The following SETBP1 variants were observed in gnomAD, a reference collection of about 807,000 sequenced individuals.
SETBP1 encodes SET binding protein 1, also known as SET-binding protein.
SETBP1 carries 9 observed loss-of-function variants against 101.0 expected under a neutral mutation model. The observed-to-expected ratio is 0.09, with a 90% CI of 0.05 to 0.16. SETBP1 has a LOEUF of 0.16. SETBP1 is among the 10% of genes least tolerant of loss of function. The pLI is 1.00. For synonymous variants in SETBP1, 818 were observed against 788.5 expected (o/e 1.04, Z -0.63); for missense variants, 1,858 against 2,033.8 (o/e 0.91, Z 1.66).
chr18:45,002,454 C>T (rs970336904), intron 4 of SETBP1, among the ~76,000 whole-genome samples: 4 of 152,098 alleles, frequency 2.6e-5, no homozygotes, highest in South Asian at 4.1e-4. Flanking sequence ...CAATACTGTT[C>T]GTCCTATTCA....
intron 1 of SETBP1, among the ~76,000 whole-genome samples, chr18:44,681,402 CG>C (rs2144074852): frequency 6.6e-6 from 1 of 152,228 alleles, no homozygotes; most frequent in East Asian, 1.9e-4. Flanking sequence ...ATGGTGATAA[CG>C]GGGATGCTGT....
At chr18:45,003,615 C>T (rs1426848804) in intron 4 of SETBP1, among the ~76,000 whole-genome samples, 1 of 151,756 alleles carries the variant, frequency 6.6e-6, no homozygotes, top group Admixed American at 6.6e-5. Flanking sequence ...GCCAAACCAT[C>T]CTCATATGAG....
At chr18:44,758,776 T>C (rs1384299651) in intron 2 of SETBP1, among the ~76,000 whole-genome samples, 1 of 152,242 alleles carries the variant, frequency 6.6e-6, no homozygotes, top group Non-Finnish European at 1.5e-5. Flanking sequence ...TGACTGCCTC[T>C]TTTTCTTTCC....
At chr18:44,917,794 G>A (rs531692112) in intron 3 of SETBP1, among the ~76,000 whole-genome samples, 16 of 152,256 alleles carry the variant, frequency 1.1e-4, no homozygotes, top group African/African-American at 2.9e-4. Flanking sequence ...CTCAAAGCCC[G>A]TGCATGGCAG....
chr18:44,862,866 G>A (rs917612397), intron 2 of SETBP1, among the ~76,000 whole-genome samples: 2 of 152,168 alleles, frequency 1.3e-5, no homozygotes, highest in Non-Finnish European at 2.9e-5. Flanking sequence ...TGCTGGCAGG[G>A]TAGGGCCAAA....
chr18:44,873,408 G>C (rs183843425), intron 3 of SETBP1, among the ~76,000 whole-genome samples: 1 of 152,314 alleles, frequency 6.6e-6, no homozygotes, highest in East Asian at 1.9e-4. Context: ...TGCCTGAAAT[G>C]CACAGTGAGG....
intron 3 of SETBP1, among the ~76,000 whole-genome samples, chr18:44,904,574 A>C (rs929817787): frequency 1.3e-5 from 2 of 152,198 alleles, no homozygotes; most frequent in Non-Finnish European, 2.9e-5. Context: ...GATTGTATTG[A>C]AACTAGCTAA....
intron 2 of SETBP1, among the ~76,000 whole-genome samples, chr18:44,840,725 G>T (rs2072598525): frequency 6.6e-6 from 1 of 152,194 alleles, no homozygotes; most frequent in Admixed American, 6.5e-5. Flanking sequence ...TTGTAAAATT[G>T]TAAGAAGTAT....
intron 4 of SETBP1, among the ~76,000 whole-genome samples, chr18:44,974,856 G>A (rs1436045277): frequency 2.0e-5 from 3 of 152,062 alleles, no homozygotes; most frequent in Non-Finnish European, 4.4e-5. Flanking sequence ...TGAGAAAAGG[G>A]AAAGCAACAA....
At position 45,042,068 on chromosome 18, in the gene SETBP1, G is replaced by A. The variant is rs138392904; in HGVS notation, c.4171+3413G>A. On this transcript the variant is annotated intron_variant, in intron 5 of 5. Coordinates refer to ENST00000649279, the MANE Select transcript of SETBP1 (RefSeq NM_015559.3). ...ATCACTGAGTGAAACAAATGTTTGA[G>A]AGGCAGTAGCTGTATGCTTTTACAG... Among the ~76,000 whole-genome samples the A allele has an allele frequency of 5.6e-3, 847 of 151,800 alleles. 4 individuals are homozygous for A. The highest frequency in any genetic ancestry group is 0.01 in the Middle Eastern group (3 of 288).
At chr18:44,864,013 C>T (rs1020615206) in intron 2 of SETBP1, among the ~76,000 whole-genome samples, 3 of 151,974 alleles carry the variant, frequency 2.0e-5, no homozygotes, top group Non-Finnish European at 4.4e-5. Flanking sequence ...GCAATTGGTG[C>T]GGGTATGTGA....
intron 3 of SETBP1, among the ~76,000 whole-genome samples, chr18:44,886,381 G>T (rs1209773504): frequency 6.6e-6 from 1 of 152,114 alleles, no homozygotes; most frequent in Admixed American, 6.6e-5. Flanking sequence ...TACTACTTGG[G>T]ACAGTGAGCC....
intron 3 of SETBP1, among the ~76,000 whole-genome samples, chr18:44,938,133 C>G (rs2071004872): frequency 1.3e-5 from 2 of 152,118 alleles, no homozygotes; most frequent in Non-Finnish European, 2.9e-5. Flanking sequence ...CTGGAGCAAG[C>G]CACGTCCTGG....
intron 4 of SETBP1, among the ~76,000 whole-genome samples, chr18:44,993,837 A>G (rs889490251): frequency 8.5e-5 from 13 of 152,070 alleles, no homozygotes; most frequent in Admixed American, 3.3e-4. Flanking sequence ...AAGGCGGAGG[A>G]CTTACCCTAC....
chr18:44,997,637 G>T (rs2072527055), intron 4 of SETBP1, among the ~76,000 whole-genome samples: 1 of 152,064 alleles, frequency 6.6e-6, no homozygotes, highest in African/African-American at 2.4e-5. Context: ...TGCTAATTAG[G>T]CATTGCATTA....
chr18:44,970,283 A>G (rs2071813852), intron 4 of SETBP1: 1 of 154,502 alleles, frequency 6.5e-6, no homozygotes, highest in East Asian at 1.9e-4. Flanking sequence ...GATTTAAACA[A>G]CCTCTGCCTG....
rs184682338 is a variant in SETBP1 at position 44,944,914 on chromosome 18, A to G, written c.541-4967A>G. Among the ~76,000 whole-genome samples the G allele has an allele frequency of 1.1e-4, 17 of 152,252 alleles. No individual in the cohort carries two copies. The East Asian group carries it at 3.3e-3, about 29-fold the overall frequency. ...GCTTCCCATTTTTTGGACTTTTAAG[A>G]TTTTACTCAGTGATCTAATTTTGTT... On this transcript the variant is annotated intron_variant, in intron 3 of 5. Transcript: ENST00000649279.
intron 3 of SETBP1, among the ~76,000 whole-genome samples, chr18:44,885,470 G>T (rs1015275638): frequency 2.0e-5 from 3 of 151,888 alleles, no homozygotes; most frequent in Admixed American, 1.3e-4. Flanking sequence ...GAATATCTTG[G>T]GAAGCACACT....
chr18:44,680,564 G>T (rs557616546), upstream of SETBP1, among the ~76,000 whole-genome samples: 3 of 152,268 alleles, frequency 2.0e-5, no homozygotes, highest in South Asian at 6.2e-4. Flanking sequence ...GGGGAGACCG[G>T]GCCGAGGGGG....
Sources: allele counts gnomAD v4.1 joint callset (sites outside exome capture counted in the v4.1 genomes callset), GRCh38; gene constraint gnomAD v4.1.1; transcripts MANE v1.5; gene names NCBI Gene and HGNC (gene_info 2026-07-23, HGNC 2026-07-21).